CDK6: variants seen among roughly 807,000 people sequenced by gnomAD.
The protein encoded by CDK6 is cyclin-dependent kinase 6.
Under a neutral mutation model 37.1 loss-of-function variants are expected in CDK6, and 6 were observed. The ratio of observed to expected loss-of-function variants is 0.16; its 90% confidence interval spans 0.09 to 0.32. The LOEUF is 0.32. Ranked by LOEUF, CDK6 falls within the 10% of genes least tolerant of loss-of-function variation. The pLI, the probability that CDK6 is intolerant of heterozygous loss-of-function variation, is 1.00. For missense variants in CDK6, 224 were observed against 418.9 expected (o/e 0.53, Z 4.06); for synonymous variants, 160 against 161.3 (o/e 0.99, Z 0.06).
chr7:92,619,915 A>T (rs1002858244), intron 6 of CDK6, among the ~76,000 whole-genome samples: 7 of 152,198 alleles, frequency 4.6e-5, no homozygotes, highest in African/African-American at 1.7e-4. Context: ...ACTATTAATT[A>T]TGAAAAGAAA....
chr7:92,825,431 G>A (rs2115998771), intron 2 of CDK6, among the ~76,000 whole-genome samples: 1 of 151,820 alleles, frequency 6.6e-6, no homozygotes, highest in Non-Finnish European at 1.5e-5. Flanking sequence ...CAAGAATCTT[G>A]TACTCCACTG....
chr7:92,733,819 C>T (rs1798709017), intron 3 of CDK6, among the ~76,000 whole-genome samples: 1 of 152,036 alleles, frequency 6.6e-6, no homozygotes, highest in African/African-American at 2.4e-5. Flanking sequence ...AAAGTTTTCT[C>T]TTTCCACTCT....
chr7:92,828,783 C>T (rs1468884034), intron 2 of CDK6, among the ~76,000 whole-genome samples: 8 of 152,036 alleles, frequency 5.3e-5, no homozygotes, highest in Admixed American at 4.6e-4. Flanking sequence ...AGGGATATAA[C>T]TGCAATGTCA....
intron 4 of CDK6, among the ~76,000 whole-genome samples, chr7:92,710,459 A>G (rs1284987176): frequency 1.3e-5 from 2 of 152,218 alleles, no homozygotes; most frequent in East Asian, 3.8e-4. Context: ...TATTTTCCCA[A>G]TATTCGGTTA....
intron 4 of CDK6, among the ~76,000 whole-genome samples, chr7:92,671,798 A>C (rs1797076442): frequency 6.6e-6 from 1 of 152,042 alleles, no homozygotes; most frequent in African/African-American, 2.4e-5. Context: ...GAAAGCAAAG[A>C]CCAAAAAAAT....
At chr7:92,658,404 A>G (rs1393285135) in intron 5 of CDK6, among the ~76,000 whole-genome samples, 2 of 152,244 alleles carry the variant, frequency 1.3e-5, no homozygotes, top group African/African-American at 4.8e-5. Flanking sequence ...AAATAAATGA[A>G]CTGACAGTTA....
At position 92,834,871 on chromosome 7, in the gene CDK6, C is replaced by T. The variant is rs1459091830; in HGVS notation, c.-367-1181G>A. Among the ~76,000 whole-genome samples the T allele has an allele frequency of 2.0e-5, 3 of 152,138 alleles. No individual in the cohort carries two copies. Among genetic ancestry groups the T allele is most frequent in the Non-Finnish European group, 4.4e-5 (3 of 68,012 alleles). Reference sequence around the variant, plus strand: ...CCGGACGCCCCCGGAGCCCTCTGCACAACAAAGCGCCAGAGTAGGGTACCC... The same window carrying T: ...CCGGACGCCCCCGGAGCCCTCTGCATAACAAAGCGCCAGAGTAGGGTACCC... On this transcript the variant is annotated intron_variant, in intron 1 of 7. Transcript: ENST00000424848. This position sits in a 1 kb window ranked among gnomAD's most constrained non-coding sequence, Gnocchi z 4.6.
At position 92,618,130 on chromosome 7, in the gene CDK6, G is replaced by A. The variant is rs1585339747; in HGVS notation, c.776C>T (p.Ala259Val). 1 of 1,614,102 alleles carries A rather than the reference G, an allele frequency of 6.2e-7. No individual in the cohort carries two copies. The highest frequency in any genetic ancestry group is 8.5e-7 in the Non-Finnish European group (1 of 1,179,966). Residue 259 changes from alanine (A) to valine (V), a missense_variant, in exon 7 of 8, where the codon GCC becomes GTC. This residue lies in a region of CDK6 where 90 missense variants were observed against 136.2 expected (regional missense o/e 0.66). Transcript: ENST00000424848. ...TGTTACAAACTTCTCAATTGGTTGG[G>A]CAGATTTTGAATGAAAAGCCTGCCT... ...LPRQAFHSKSAQPIEKFVTDI... is the reference protein window; with the variant it reads ...LPRQAFHSKSVQPIEKFVTDI...
chr7:92,814,993 G>A (rs1800988956), intron 2 of CDK6, among the ~76,000 whole-genome samples: 1 of 152,016 alleles, frequency 6.6e-6, no homozygotes, highest in Admixed American at 6.6e-5. Flanking sequence ...TTACTAGAAG[G>A]GAGGCCACTG....
At chr7:92,709,231 A>T (rs2116676942) in intron 4 of CDK6, among the ~76,000 whole-genome samples, 1 of 152,204 alleles carries the variant, frequency 6.6e-6, no homozygotes, top group Middle Eastern at 3.4e-3. Flanking sequence ...ATTGTAGTAG[A>T]CTGCTTTTTT....
chr7:92,688,810 C>T (rs1468343781), intron 4 of CDK6, among the ~76,000 whole-genome samples: 1 of 152,148 alleles, frequency 6.6e-6, no homozygotes, highest in Admixed American at 6.6e-5. Context: ...CCATATTTGT[C>T]AGTTTATAGC....
chr7:92,671,186 G>C (rs938005258), intron 5 of CDK6: 4 of 330,980 alleles, frequency 1.2e-5, no homozygotes, highest in Non-Finnish European at 2.2e-5. Context: ...TAACTTATAA[G>C]AACAGTGGGG....
At chr7:92,788,009 T>C (rs1800189057) in intron 2 of CDK6, among the ~76,000 whole-genome samples, 1 of 152,158 alleles carries the variant, frequency 6.6e-6, no homozygotes, top group African/African-American at 2.4e-5. Context: ...TAGAAATATA[T>C]TCTAAGATCA....
intron 3 of CDK6, among the ~76,000 whole-genome samples, chr7:92,733,550 T>C (rs1378427160): frequency 6.6e-6 from 1 of 152,236 alleles, no homozygotes; most frequent in Non-Finnish European, 1.5e-5. Flanking sequence ...CTCATTTGCA[T>C]GTAGATCTAT....
intron 3 of CDK6, among the ~76,000 whole-genome samples, chr7:92,743,638 A>C (rs550483792): frequency 6.6e-6 from 1 of 152,290 alleles, no homozygotes; most frequent in South Asian, 2.1e-4. Flanking sequence ...AGTGAATTGA[A>C]AATTAAAAGC....
intron 4 of CDK6, among the ~76,000 whole-genome samples, chr7:92,704,406 T>C (rs2116667691): frequency 6.6e-6 from 1 of 152,194 alleles, no homozygotes; most frequent in South Asian, 2.1e-4. Context: ...AGAGCCCTCC[T>C]CTCTCTTTTG....
At chr7:92,679,629 T>C (rs1425314396) in intron 4 of CDK6, among the ~76,000 whole-genome samples, 1 of 152,236 alleles carries the variant, frequency 6.6e-6, no homozygotes, top group Non-Finnish European at 1.5e-5. Flanking sequence ...CTAATACATA[T>C]GTTTTTCTCC....
chr7:92,805,763 C>T (rs1800709541), intron 2 of CDK6, among the ~76,000 whole-genome samples: 1 of 152,190 alleles, frequency 6.6e-6, no homozygotes, highest in African/African-American at 2.4e-5. Flanking sequence ...TCTCATGAAC[C>T]TTGTTCCCCC....
chr7:92,608,139 T>C lies in CDK6; in HGVS notation c.*7001A>G. 1 of 232,912 alleles carries C rather than the reference T, an allele frequency of 4.3e-6. No homozygotes were observed. Among genetic ancestry groups the C allele is most frequent in the Non-Finnish European group, 8.5e-6 (1 of 117,734 alleles). 14.4% of individuals were successfully genotyped at this position (232,912 alleles called of 1,614,324 possible). On this transcript the variant is annotated 3_prime_UTR_variant, in exon 8 of 8. Coordinates refer to ENST00000424848, the MANE Select transcript of CDK6 (RefSeq NM_001145306.2). ...CCACAGAGAGTTAGAAATTAAATAA[T>C]TGTGTGGCTCTATGTGTGCTGATTA...
Sources: allele counts gnomAD v4.1 joint callset (sites outside exome capture counted in the v4.1 genomes callset), GRCh38; gene constraint gnomAD v4.1.1; regional missense constraint gnomAD v4.1.1; non-coding constraint Gnocchi (gnomAD v3.1); transcripts MANE v1.5; gene names NCBI Gene and HGNC (gene_info 2026-07-23, HGNC 2026-07-21).